Variants in LOC128462377 observed in about 807,000 individuals in gnomAD.
the LOC128462377 span, among the ~76,000 whole-genome samples, chr16:89,417,962 C>T: frequency 1.3e-5 from 2 of 152,208 alleles, no homozygotes; most frequent in South Asian, 2.1e-4. Context: ...TCAGTCATCA[C>T]CAGACCATCT....
the LOC128462377 span, among the ~76,000 whole-genome samples, chr16:89,362,724 G>A: frequency 2.4e-4 from 37 of 151,414 alleles, no homozygotes; most frequent in South Asian, 3.3e-3. Flanking sequence ...TTTAGCCTAA[G>A]TATCTGCCCT....
chr16:89,354,175 C>T, the LOC128462377 span, among the ~76,000 whole-genome samples: 1 of 148,578 alleles, frequency 6.7e-6, no homozygotes, highest in Non-Finnish European at 1.5e-5. Flanking sequence ...TACCTTTACC[C>T]ATTCAAATCT....
the LOC128462377 span, chr16:89,323,445 AGGGCAGGGGGGCAGAGCCG>A: frequency 2.5e-6 from 1 of 407,060 alleles, no homozygotes; most frequent in Non-Finnish European, 3.9e-6. Context: ...GGCTGAGCCG[AGGGCAGGGGGGCAGAGCCG>A]AGGGCAGGGG....
chr16:89,353,065 C>T, the LOC128462377 span, among the ~76,000 whole-genome samples: 2 of 152,204 alleles, frequency 1.3e-5, no homozygotes, highest in East Asian at 1.9e-4. Context: ...TAGGGCTGGG[C>T]GCGGTGGCTC....
the LOC128462377 span, among the ~76,000 whole-genome samples, chr16:89,367,623 T>C: frequency 1.3e-5 from 2 of 152,090 alleles, no homozygotes; most frequent in Non-Finnish European, 2.9e-5. Context: ...GGGGCCTCTA[T>C]AAATCCTCCA....
At chr16:89,348,851 G>A in the LOC128462377 span, among the ~76,000 whole-genome samples, 1 of 150,492 alleles carries the variant, frequency 6.6e-6, no homozygotes. Context: ...TTTGGCTAAG[G>A]GGCTACCAGT....
the LOC128462377 span, among the ~76,000 whole-genome samples, chr16:89,342,905 A>G: frequency 1.3e-5 from 2 of 152,238 alleles, no homozygotes; most frequent in East Asian, 1.9e-4. Flanking sequence ...GAATGAAAAG[A>G]AGGCTCATAT....
the LOC128462377 span, among the ~76,000 whole-genome samples, chr16:89,344,162 G>C: frequency 6.6e-6 from 1 of 152,176 alleles, no homozygotes; most frequent in South Asian, 2.1e-4. Context: ...AGCACACACG[G>C]GCAACCCTGG....
the LOC128462377 span, among the ~76,000 whole-genome samples, chr16:89,367,434 C>T: frequency 3.9e-5 from 6 of 152,156 alleles, no homozygotes; most frequent in East Asian, 3.9e-4. Context: ...AGGGGAGAGA[C>T]GCTCTCAAAC....
the LOC128462377 span, among the ~76,000 whole-genome samples, chr16:89,346,845 A>G: frequency 6.6e-6 from 1 of 152,260 alleles, no homozygotes; most frequent in Admixed American, 6.5e-5. Flanking sequence ...AGAAATGTAC[A>G]AACATAAACG....
the LOC128462377 span, among the ~76,000 whole-genome samples, chr16:89,338,955 A>G: frequency 9.8e-5 from 15 of 152,334 alleles, no homozygotes; most frequent in African/African-American, 3.6e-4. Context: ...ATGAAAGCAC[A>G]TGAGGAACTC....
the LOC128462377 span, among the ~76,000 whole-genome samples, chr16:89,334,144 T>TAA: frequency 0.012 from 488 of 41,322 alleles, 28 homozygotes; most frequent in Admixed American, 0.018. Context: ...CCCTGTGTTT[T>TAA]AAAAAAAAAA....
At chr16:89,411,306 C>T in the LOC128462377 span, among the ~76,000 whole-genome samples, 1 of 121,388 alleles carries the variant, frequency 8.2e-6, no homozygotes, top group Admixed American at 8.2e-5. Context: ...CCAGCACTGC[C>T]TTCAGAATCC....
the LOC128462377 span, among the ~76,000 whole-genome samples, chr16:89,332,958 C>G: frequency 6.6e-6 from 1 of 152,258 alleles, no homozygotes; most frequent in South Asian, 2.1e-4. Flanking sequence ...AACAGAACAG[C>G]GGGGCTGCTC....
the LOC128462377 span, among the ~76,000 whole-genome samples, chr16:89,363,463 G>A: frequency 7.3e-6 from 1 of 137,862 alleles, no homozygotes; most frequent in East Asian, 2.1e-4. Context: ...TACCCTAAAA[G>A]TATAATAATA....
chr16:89,387,332 T>C, the LOC128462377 span, among the ~76,000 whole-genome samples: 1 of 151,692 alleles, frequency 6.6e-6, no homozygotes, highest in Non-Finnish European at 1.5e-5. Context: ...AGCAGAGGGA[T>C]AGTCAGGCCT....
At chr16:89,367,118 T>G in the LOC128462377 span, among the ~76,000 whole-genome samples, 589 of 152,228 alleles carry the variant, frequency 3.9e-3, 2 homozygotes, top group African/African-American at 0.014. Flanking sequence ...GGATACTCAC[T>G]ACCTCAACTC....
chr16:89,323,406 G>A, the LOC128462377 span: 12 of 1,191,138 alleles, frequency 1.0e-5, no homozygotes, highest in Non-Finnish European at 1.3e-5. Flanking sequence ...AAGCAGCCCA[G>A]GGCAGGGGGG....
the LOC128462377 span, among the ~76,000 whole-genome samples, chr16:89,325,856 G>C: frequency 6.6e-6 from 1 of 152,200 alleles, no homozygotes; most frequent in African/African-American, 2.4e-5. Context: ...TGGCCTCCTA[G>C]AGGAAGGAGG....
Sources: allele counts gnomAD v4.1 joint callset (sites outside exome capture counted in the v4.1 genomes callset), GRCh38; gene constraint gnomAD v4.1.1; transcripts MANE v1.5.